Variants in ARHGAP24 observed in about 807,000 individuals in gnomAD.
ARHGAP24 encodes the protein Rho GTPase activating protein 24, also known as rho GTPase-activating protein 24.
ARHGAP24 carries 50 observed loss-of-function variants against 76.4 expected under a neutral mutation model. That is an observed-to-expected ratio of 0.65 (90% CI 0.52 to 0.83). The LOEUF (loss-of-function observed/expected upper bound fraction) is 0.83. Among genes scored for constraint, ARHGAP24 ranks in the 40% least tolerant of loss-of-function variants. ARHGAP24 has a pLI of 0.00. For missense variants in ARHGAP24, 930 were observed against 914.2 expected, an observed-to-expected ratio of 1.02 and a Z score of -0.22; for synonymous variants, 345 against 323.3, an observed-to-expected ratio of 1.07 and a Z score of -0.72.
intron 2 of ARHGAP24, among the ~76,000 whole-genome samples, chr4:85,661,353 G>C (rs2045858801): frequency 6.6e-6 from 1 of 152,098 alleles, no homozygotes; most frequent in South Asian, 2.1e-4. Context: ...TTCTCTGAGT[G>C]GTGAAAACAA....
intron 1 of ARHGAP24, among the ~76,000 whole-genome samples, chr4:85,507,218 T>G (rs1724089723): frequency 6.6e-6 from 1 of 151,886 alleles, no homozygotes; most frequent in Non-Finnish European, 1.5e-5. Context: ...AAATATTTTA[T>G]TATTATTATT....
At chr4:85,484,035 T>C (rs781492488) in intron 1 of ARHGAP24, among the ~76,000 whole-genome samples, 4 of 152,232 alleles carry the variant, frequency 2.6e-5, no homozygotes, top group Admixed American at 6.5e-5. Flanking sequence ...ATTGTATTGA[T>C]TGAAGATTTT....
At chr4:85,504,687 T>G (rs1326886596) in intron 1 of ARHGAP24, among the ~76,000 whole-genome samples, 1 of 152,200 alleles carries the variant, frequency 6.6e-6, no homozygotes, top group Non-Finnish European at 1.5e-5. Context: ...TGCCAGTTGG[T>G]GTCTTTTAAT....
chr4:85,823,956 T>A (rs1158803564), intron 3 of ARHGAP24, among the ~76,000 whole-genome samples: 2 of 151,944 alleles, frequency 1.3e-5, no homozygotes, highest in African/African-American at 4.8e-5. Flanking sequence ...AAGACATTGG[T>A]TCTTTACATC....
intron 3 of ARHGAP24, among the ~76,000 whole-genome samples, chr4:85,907,435 C>A (rs1323398554): frequency 6.6e-6 from 1 of 152,150 alleles, no homozygotes; most frequent in African/African-American, 2.4e-5. Flanking sequence ...AGGGATTATG[C>A]ACTTTATCCT....
At chr4:85,888,401 A>AT (rs1733692095) in intron 3 of ARHGAP24, among the ~76,000 whole-genome samples, 1 of 87,918 alleles carries the variant, frequency 1.1e-5, no homozygotes, top group Non-Finnish European at 2.5e-5. Flanking sequence ...CTTCCTCTCA[A>AT]GAAAAAAAAA....
At chr4:85,934,966 G>A (rs1057023295) in intron 4 of ARHGAP24, among the ~76,000 whole-genome samples, 2 of 152,136 alleles carry the variant, frequency 1.3e-5, no homozygotes, top group African/African-American at 2.4e-5. Context: ...GTGGAGAATG[G>A]CAATAGGTCT....
chr4:85,610,451 CAAAAAAAAAAAAA>C (rs57348830), intron 2 of ARHGAP24, among the ~76,000 whole-genome samples: 3 of 51,210 alleles, frequency 5.9e-5, no homozygotes, highest in African/African-American at 8.1e-5. Flanking sequence ...ACTCCATCTA[CAAAAAAAAAAAAA>C]AAAAAAAAAA....
intron 2 of ARHGAP24, among the ~76,000 whole-genome samples, chr4:85,574,838 T>C (rs985715007): frequency 6.6e-6 from 1 of 152,248 alleles, no homozygotes; most frequent in Non-Finnish European, 1.5e-5. Context: ...TGGAACTTAC[T>C]ATGAATGTTT....
At chr4:85,800,995 T>C (rs1728557072) in intron 3 of ARHGAP24, among the ~76,000 whole-genome samples, 1 of 152,224 alleles carries the variant, frequency 6.6e-6, no homozygotes, top group Admixed American at 6.5e-5. Flanking sequence ...ACGTTTTTAG[T>C]TAAATACATA....
intron 2 of ARHGAP24, among the ~76,000 whole-genome samples, chr4:85,665,921 T>A (rs554868052): frequency 1.3e-5 from 2 of 152,192 alleles, no homozygotes; most frequent in African/African-American, 4.8e-5. Flanking sequence ...GTGGGTAACC[T>A]GACCTTTCTC....
intron 3 of ARHGAP24, among the ~76,000 whole-genome samples, chr4:85,855,860 A>G (rs1020838601): frequency 1.4e-4 from 21 of 152,072 alleles, no homozygotes; most frequent in Non-Finnish European, 7.4e-5. Flanking sequence ...ATCTGGCTTT[A>G]GAGAGTTGAC....
intron 3 of ARHGAP24, among the ~76,000 whole-genome samples, 198 bp from the exon 4 acceptor site, chr4:85,923,450 T>C (rs957362227): frequency 6.6e-6 from 1 of 152,224 alleles, no homozygotes. Context: ...GTTCTCCAGC[T>C]TTCTCCTGAA....
chr4:85,571,941 T>A (rs1727155650), intron 2 of ARHGAP24, among the ~76,000 whole-genome samples: 1 of 152,198 alleles, frequency 6.6e-6, no homozygotes, highest in African/African-American at 2.4e-5. Flanking sequence ...GCCCAAGACA[T>A]TGTAAGTAAA....
intron 4 of ARHGAP24, chr4:85,931,036 C>T (rs768646933): frequency 1.2e-5 from 19 of 1,610,354 alleles, no homozygotes; most frequent in East Asian, 1.1e-4. Flanking sequence ...TTTTAGTTTT[C>T]GGAAAGGTAG....
intron 5 of ARHGAP24, 35 bp from the exon 6 acceptor site, chr4:85,972,001 C>A (rs758226531): frequency 2.5e-6 from 4 of 1,613,666 alleles, no homozygotes; most frequent in Non-Finnish European, 3.4e-6. Context: ...ATGAAGTTTA[C>A]TCCAAAGAAT....
intron 2 of ARHGAP24, among the ~76,000 whole-genome samples, chr4:85,718,526 C>G (rs1724815627): frequency 1.3e-5 from 2 of 152,024 alleles, no homozygotes; most frequent in Non-Finnish European, 2.9e-5. Flanking sequence ...TTGAAAATAA[C>G]TATCACAATT....
intron 3 of ARHGAP24, among the ~76,000 whole-genome samples, chr4:85,838,410 A>G (rs1025277870): frequency 2.0e-5 from 3 of 152,222 alleles, no homozygotes; most frequent in Non-Finnish European, 4.4e-5. Context: ...ATCCTGGCTA[A>G]CACAGTGAAA....
intron 2 of ARHGAP24, among the ~76,000 whole-genome samples, chr4:85,577,238 A>T (rs13103985): frequency 0.86 from 128,002 of 148,190 alleles, 55,872 homozygotes; most frequent in East Asian, 0.93. Flanking sequence ...AGGAAAAAAA[A>T]ATATATATAT....
Sources: gnomAD v4.1 joint callset for allele counts (sites outside exome capture counted in the v4.1 genomes callset) on GRCh38, gnomAD v4.1.1 for gene constraint, MANE v1.5 for transcripts, NCBI Gene and HGNC (gene_info 2026-07-23, HGNC 2026-07-21) for gene names.